Variants in POU6F2 observed in about 807,000 individuals in gnomAD.
POU6F2 encodes the protein POU class 6 homeobox 2, also known as POU domain, class 6, transcription factor 2.
POU6F2 carries 31 observed loss-of-function variants against 71.3 expected under a neutral mutation model. The observed-to-expected ratio is 0.43, with a 90% CI of 0.33 to 0.59. POU6F2 has a LOEUF of 0.59. Ranked by LOEUF, POU6F2 falls within the 20% of genes least tolerant of loss-of-function variation. The probability of loss-of-function intolerance (pLI) is 0.04; values close to 1 mark genes in which losing one functional copy is unlikely to be tolerated. For synonymous variants in POU6F2, 347 were observed against 355.7 expected, an observed-to-expected ratio of 0.98 and a Z score of 0.27; for missense variants, 783 against 856.8, an observed-to-expected ratio of 0.91 and a Z score of 1.07.
chr7:39,351,453 A>G (rs976141305), intron 5 of POU6F2, among the ~76,000 whole-genome samples: 16 of 152,294 alleles, frequency 1.1e-4, no homozygotes, highest in Admixed American at 9.8e-4. Context: ...GGTGATTCCT[A>G]TTTGATATTT....
At chr7:39,323,317 G>T (rs929834560) in intron 4 of POU6F2, among the ~76,000 whole-genome samples, 1 of 152,180 alleles carries the variant, frequency 6.6e-6, no homozygotes, top group African/African-American at 2.4e-5. Flanking sequence ...CCCATGCAGG[G>T]TCATGTTGCC....
chr7:39,463,964 C>T (rs544610651), intron 9 of POU6F2, among the ~76,000 whole-genome samples: 1 of 152,298 alleles, frequency 6.6e-6, no homozygotes, highest in South Asian at 2.1e-4. Context: ...GCTGTCTCTG[C>T]TTCTCATCAC....
chr7:39,152,668 T>C (rs534301468), intron 2 of POU6F2, among the ~76,000 whole-genome samples: 4 of 152,260 alleles, frequency 2.6e-5, no homozygotes, highest in African/African-American at 7.2e-5. Context: ...TCTCCATCCA[T>C]TAGATCGTGA....
chr7:39,015,916 T>TGTATATTGATATATATG, intron 1 of POU6F2, among the ~76,000 whole-genome samples: 1 of 41,406 alleles, frequency 2.4e-5, no homozygotes, highest in Non-Finnish European at 4.5e-5. Flanking sequence ...TATTATATAT[T>TGTATATTGATATATATG]ATATATAGAT....
intron 1 of POU6F2, among the ~76,000 whole-genome samples, chr7:39,019,286 A>G (rs1199302195): frequency 6.6e-6 from 1 of 152,176 alleles, no homozygotes; most frequent in African/African-American, 2.4e-5. Context: ...GGCATCCAAC[A>G]TCACTTATGA....
intron 4 of POU6F2, among the ~76,000 whole-genome samples, chr7:39,215,234 A>G (rs554408978): frequency 9.9e-4 from 151 of 152,286 alleles, no homozygotes; most frequent in African/African-American, 3.4e-3. Context: ...AGTCCCAGCT[A>G]TTCAGGAGGC....
intron 5 of POU6F2, among the ~76,000 whole-genome samples, chr7:39,349,961 GA>G (rs1786108958): frequency 6.6e-6 from 1 of 152,182 alleles, no homozygotes; most frequent in African/African-American, 2.4e-5. Context: ...ACTCGGTAGG[GA>G]TGCCTTCATG....
chr7:39,382,442 A>G (rs145322320), intron 5 of POU6F2, among the ~76,000 whole-genome samples: 11 of 152,338 alleles, frequency 7.2e-5, no homozygotes, highest in South Asian at 6.2e-4. Context: ...GAACCGAGGC[A>G]GGCGAGTGGA....
chr7:39,450,834 T>C (rs1244967683), intron 7 of POU6F2, among the ~76,000 whole-genome samples: 1 of 152,074 alleles, frequency 6.6e-6, no homozygotes, highest in Non-Finnish European at 1.5e-5. Flanking sequence ...GGGGTGGAAA[T>C]AGTACCCACA....
At chr7:39,017,992 G>T (rs1358210157) in intron 1 of POU6F2, among the ~76,000 whole-genome samples, 1 of 151,576 alleles carries the variant, frequency 6.6e-6, no homozygotes, top group East Asian at 1.9e-4. Context: ...TTGCTGTATT[G>T]GCTAACATCC....
intron 5 of POU6F2, among the ~76,000 whole-genome samples, chr7:39,375,307 C>T (rs1315437034): frequency 1.3e-5 from 2 of 152,194 alleles, no homozygotes; most frequent in African/African-American, 2.4e-5. Context: ...GTTATCACAA[C>T]AGAGATGGCA....
chr7:39,381,762 G>T (rs1035916778), intron 5 of POU6F2, among the ~76,000 whole-genome samples: 5 of 152,016 alleles, frequency 3.3e-5, no homozygotes, highest in Non-Finnish European at 7.4e-5. Context: ...AATTTAAGCA[G>T]AAAAATGACC....
At chr7:39,307,572 T>C (rs1332013107) in intron 4 of POU6F2, among the ~76,000 whole-genome samples, 2 of 152,214 alleles carry the variant, frequency 1.3e-5, no homozygotes, top group East Asian at 1.9e-4. Flanking sequence ...TTTTGAAAAA[T>C]TATTCATTCT....
At chr7:39,187,107 C>T (rs1348768556) in intron 2 of POU6F2, among the ~76,000 whole-genome samples, 2 of 152,248 alleles carry the variant, frequency 1.3e-5, no homozygotes, top group Admixed American at 6.5e-5. Flanking sequence ...TTATTTAGCG[C>T]ACTGCATCCT....
chr7:39,029,678 T>C (rs960582921), intron 1 of POU6F2, among the ~76,000 whole-genome samples: 3 of 152,212 alleles, frequency 2.0e-5, no homozygotes, highest in Admixed American at 1.3e-4. Flanking sequence ...AAGTTCGTTA[T>C]AGAATTCCTT....
At chr7:39,402,995 CTCATT>C (rs1787337660) in intron 5 of POU6F2, among the ~76,000 whole-genome samples, 1 of 152,106 alleles carries the variant, frequency 6.6e-6, no homozygotes, top group South Asian at 2.1e-4. Context: ...AGTGCATTAT[CTCATT>C]TAATTCTCAT....
Position 39,466,300 on chromosome 7 carries a change from TA to T in POU6F2, c.*1618del, listed in dbSNP as rs957571970. The T allele has an allele frequency of 6.6e-6, 1 of 151,904 alleles. No homozygotes were observed. Among genetic ancestry groups the T allele is most frequent in the African/African-American group, 2.4e-5 (1 of 41,332 alleles). The allele number at this position is 151,904 out of a possible 1,614,324, so 9.4% of individuals were successfully genotyped here. On this transcript the variant is annotated 3_prime_UTR_variant, in exon 10 of 10. Coordinates refer to ENST00000518318, the MANE Select transcript of POU6F2 (RefSeq NM_001370959.1). ...ATTATTTCCTTTAAAAAAAATAACT[TA>T]AAAGATCTGTGGGCCACAATAACCT... is the stretch of plus-strand genomic sequence containing the variant.
chr7:39,346,430 G>A (rs76617180), intron 5 of POU6F2, among the ~76,000 whole-genome samples: 2,913 of 152,262 alleles, frequency 0.019, 95 homozygotes, highest in African/African-American at 0.065. Flanking sequence ...TTCTTGCAGC[G>A]TTTGAACATG....
chr7:39,383,300 C>T (rs1786868393), intron 5 of POU6F2, among the ~76,000 whole-genome samples: 1 of 152,142 alleles, frequency 6.6e-6, no homozygotes, highest in Admixed American at 6.5e-5. Flanking sequence ...AGCCTCTCAG[C>T]CATTCAAAAA....
Sources: allele counts gnomAD v4.1 joint callset (sites outside exome capture counted in the v4.1 genomes callset), GRCh38; gene constraint gnomAD v4.1.1; transcripts MANE v1.5; gene names NCBI Gene and HGNC (gene_info 2026-07-23, HGNC 2026-07-21).